The following OR2A5 variants were observed in gnomAD, a reference collection of about 807,000 sequenced individuals.
The protein encoded by OR2A5 is olfactory receptor family 2 subfamily A member 5.
OR2A5 carries 2 observed loss-of-function variants against 1.9 expected under a neutral mutation model. The ratio of observed to expected loss-of-function variants is 1.04; its 90% CI spans 0.43 to 3.28. The LOEUF is 3.28. OR2A5 is among the 30% of genes most tolerant of loss of function. The pLI is 0.08. For missense variants in OR2A5, 391 were observed against 375.9 expected (o/e 1.04, Z -0.33); for synonymous variants, 160 against 154.5 (o/e 1.04, Z -0.26).
At position 144,051,217 on chromosome 7, in the gene OR2A5, G is replaced by T. The variant is rs1254007558; in HGVS notation, c.816G>T (p.Lys272Asn). ...CCCGCCACCCTGAGGAGCAGCAGAAGGTCCTTTCCCTGTTTTACAGCCTTT... is the reference window on the plus strand; with the variant it reads ...CCCGCCACCCTGAGGAGCAGCAGAATGTCCTTTCCCTGTTTTACAGCCTTT... ...PKSRHPEEQQ[K>N]VLSLFYSLFN... is the part of the protein sequence containing the mutation. The change falls in exon 2 of 2, where the codon AAG (lysine) becomes AAT (asparagine). Residue 272 changes from lysine to asparagine, a missense_variant. Lys to Asn is a moderately conservative substitution (Grantham distance 94). Transcript: ENST00000641693. 1.2e-6 allele frequency: 2 copies of T among 1,614,060 alleles called. No individual in the cohort carries two copies. Among genetic ancestry groups the T allele is most frequent in the Non-Finnish European group, 1.7e-6 (2 of 1,180,032 alleles).
In OR2A5 at chr7:144,053,738, A is replaced by G. The variant is rs1167107881; in HGVS notation, c.*2401A>G. 3 of 152,238 alleles carry G rather than the reference A, an allele frequency of 2.0e-5. No homozygotes were observed. Among genetic ancestry groups the G allele is most frequent in the Admixed American group, 1.3e-4 (2 of 15,276 alleles). The allele number at this position is 152,238 out of a possible 1,614,324, so 9.4% of individuals were successfully genotyped here. ...GAGTCTGGAACAAAACGGAGTTTAC[A>G]GTATTATAGCCAAAGTCTTAACACC... is the stretch of plus-strand genomic sequence containing the variant. On this transcript the variant is annotated 3_prime_UTR_variant, in exon 2 of 2. Coordinates refer to ENST00000641693, the MANE Select transcript of OR2A5 (RefSeq NM_012365.2).
chr7:144,052,983 C>T lies in OR2A5; in HGVS notation c.*1646C>T, dbSNP rs1448618306. ...GTATACTTCATGTTCTGCTTAAAACCTTTAAAAGAAAAGGGAAAGAGGAAA... is the reference window on the plus strand; with the variant it reads ...GTATACTTCATGTTCTGCTTAAAACTTTTAAAAGAAAAGGGAAAGAGGAAA... On this transcript the variant is annotated 3_prime_UTR_variant, in exon 2 of 2. Transcript: ENST00000641693. 1 of 151,974 alleles carries T rather than the reference C, an allele frequency of 6.6e-6. No homozygotes were observed. The highest frequency in any genetic ancestry group is 1.5e-5 in the Non-Finnish European group (1 of 68,006). 9.4% of individuals were successfully genotyped at this position (151,974 alleles called of 1,614,324 possible).
rs146905074 is a variant in OR2A5, at chr7:144,058,398, G to A, written c.*7061G>A. On this transcript the variant is annotated 3_prime_UTR_variant, in exon 2 of 2. Coordinates refer to ENST00000641693, the MANE Select transcript of OR2A5 (RefSeq NM_012365.2). ...TACTTTCATTTATTGATGGACACATGTTGTATTAGTCTGTTCTCATGCTGC... is the reference window on the plus strand; with the variant it reads ...TACTTTCATTTATTGATGGACACATATTGTATTAGTCTGTTCTCATGCTGC... The A allele has an allele frequency of 1.3e-5, 2 of 152,164 alleles. No individual in the cohort carries two copies. Among genetic ancestry groups the A allele is most frequent in the East Asian group, 3.9e-4 (2 of 5,182 alleles). 9.4% of individuals were successfully genotyped at this position (152,164 alleles called of 1,614,324 possible).
chr7:144,050,503 C>A lies in OR2A5; in HGVS notation c.102C>A (p.Tyr34Ter). Residue 34 changes from tyrosine (Y) to a stop codon, truncating the protein, a stop_gained, in exon 2 of 2, where the codon TAC (tyrosine) becomes TAA (stop). Transcript: ENST00000641693. LOFTEE classifies it low-confidence loss of function (END_TRUNC). ...TCTCTGGGCTTTTCTCCCTGTTATA[C>A]GTCTTCACCCTGCTGGGAAATGGGG... ...MLLSGLFSLL[Y>*]VFTLLGNGAI... The A allele has an allele frequency of 6.2e-7, 1 of 1,604,536 alleles. No individual in the cohort carries two copies. The highest frequency in any genetic ancestry group is 8.5e-7 in the Non-Finnish European group (1 of 1,175,228).
rs905453185 is a variant in OR2A5, at chr7:144,052,817, T to C, written c.*1480T>C. On this transcript the variant is annotated 3_prime_UTR_variant, in exon 2 of 2. Coordinates refer to ENST00000641693, the MANE Select transcript of OR2A5 (RefSeq NM_012365.2). ...GCAATTTGAATTTAAAAAAAAATAC[T>C]GGATCTAAATTTAACTATCAACCAC... The C allele has an allele frequency of 4.6e-5, 7 of 152,198 alleles. No individual in the cohort carries two copies. Among genetic ancestry groups the C allele is most frequent in the African/African-American group, 1.7e-4 (7 of 41,448 alleles). The allele number at this position is 152,198 out of a possible 1,614,324, so 9.4% of individuals were successfully genotyped here.
chr7:144,052,734 G>A lies in OR2A5; in HGVS notation c.*1397G>A. 1 of 151,856 alleles carries A rather than the reference G, an allele frequency of 6.6e-6. No individual in the cohort carries two copies. The highest frequency in any genetic ancestry group is 1.9e-4 in the East Asian group (1 of 5,160). 9.4% of individuals were successfully genotyped at this position (151,856 alleles called of 1,614,324 possible). ...CTTTGTTTTCATATCTCCATACTGTGAGGACATTTTTTGGCCTGCAGAAAT... is the reference window on the plus strand; with the variant it reads ...CTTTGTTTTCATATCTCCATACTGTAAGGACATTTTTTGGCCTGCAGAAAT... On this transcript the variant is annotated 3_prime_UTR_variant, in exon 2 of 2. Coordinates refer to ENST00000641693, the MANE Select transcript of OR2A5 (RefSeq NM_012365.2).
rs980585298 is a variant in OR2A5, at chr7:144,049,144, G to C, written c.-52+11G>C. Reference sequence around the variant, plus strand: ...AGGCCTGATACCACAGTGAGTAAAGGGTCTTTTGCAAAGTCTGGTAGTTTA... The same window carrying C: ...AGGCCTGATACCACAGTGAGTAAAGCGTCTTTTGCAAAGTCTGGTAGTTTA... On this transcript the variant is annotated intron_variant, in intron 1 of 1. Transcript: ENST00000641693. 2.6e-5 allele frequency: 4 copies of C among 152,190 alleles called. No individual in the cohort carries two copies. Among genetic ancestry groups the C allele is most frequent in the African/African-American group, 9.7e-5 (4 of 41,434 alleles). The allele number at this position is 152,190 out of a possible 1,614,324, so 9.4% of individuals were successfully genotyped here.
rs2050959377 is a variant in OR2A5 at position 144,058,627 on chromosome 7, A to T, written c.*7290A>T. 1 of 152,302 alleles carries T rather than the reference A, an allele frequency of 6.6e-6. No homozygotes were observed. The highest frequency in any genetic ancestry group is 2.4e-5 in the African/African-American group (1 of 41,438). 9.4% of individuals were successfully genotyped at this position (152,302 alleles called of 1,614,324 possible). On this transcript the variant is annotated 3_prime_UTR_variant, in exon 2 of 2. Coordinates refer to ENST00000641693, the MANE Select transcript of OR2A5 (RefSeq NM_012365.2). ...TAAAAAACCATCAGATCAGCCTGGCATGGTGACTCACACCTGTAATCCCAG... is the reference window on the plus strand; with the variant it reads ...TAAAAAACCATCAGATCAGCCTGGCTTGGTGACTCACACCTGTAATCCCAG...
rs2050899801 is a variant in OR2A5 at position 144,051,010 on chromosome 7, A to G, written c.609A>G (p.Ser203=). The change falls in exon 2 of 2, where the codon TCA becomes TCG. Residue 203 remains serine, a synonymous_variant. Coordinates refer to ENST00000641693, the MANE Select transcript of OR2A5 (RefSeq NM_012365.2). ...WLNQVVIFAA[S]VFILVGPLCL... is the part of the protein sequence containing the mutation. ...ACCAGGTGGTCATCTTTGCTGCTTCAGTGTTCATCCTGGTGGGGCCGCTCT... is the reference window on the plus strand; with the variant it reads ...ACCAGGTGGTCATCTTTGCTGCTTCGGTGTTCATCCTGGTGGGGCCGCTCT... 6.2e-7 allele frequency: 1 copy of G among 1,614,102 alleles called. No homozygotes were observed. Among genetic ancestry groups the G allele is most frequent in the South Asian group, 1.1e-5 (1 of 91,076 alleles).
chr7:144,053,718 T>C lies in OR2A5; in HGVS notation c.*2381T>C, dbSNP rs2050920416. The C allele has an allele frequency of 6.6e-6, 1 of 152,216 alleles. No homozygotes were observed. The highest frequency in any genetic ancestry group is 2.4e-5 in the African/African-American group (1 of 41,458). 9.4% of individuals were successfully genotyped at this position (152,216 alleles called of 1,614,324 possible). A position where few individuals can be genotyped will look rare whatever the true frequency, so the allele number is the denominator to read the frequency against. ...AACATCCACATGATGGGGCAGAGTC[T>C]GGAACAAAACGGAGTTTACAGTATT... On this transcript the variant is annotated 3_prime_UTR_variant, in exon 2 of 2. Transcript: ENST00000641693.
rs200668050 is a variant in OR2A5 at position 144,050,823 on chromosome 7, G to C, written c.422G>C (p.Cys141Ser). 3.7e-6 allele frequency: 6 copies of C among 1,614,088 alleles called. No individual in the cohort carries two copies. The highest frequency in any genetic ancestry group is 4.2e-6 in the Non-Finnish European group (5 of 1,180,050). ...TCTGTCATCATGAGATGGGGAGTGT[G>C]CACAGTCCTGGCTGTCACTTCTTGG... ...QYSVIMRWGVCTVLAVTSWAC... is the reference protein window; with the variant it reads ...QYSVIMRWGVSTVLAVTSWAC... The change falls in exon 2 of 2, where the codon TGC becomes TCC. Residue 141 changes from cysteine (C) to serine (S), a missense_variant. Coordinates refer to ENST00000641693, the MANE Select transcript of OR2A5 (RefSeq NM_012365.2).
At position 144,053,409 on chromosome 7, in the gene OR2A5, A is replaced by C. The variant is rs975763522; in HGVS notation, c.*2072A>C. 1 of 152,114 alleles carries C rather than the reference A, an allele frequency of 6.6e-6. No homozygotes were observed. Among genetic ancestry groups the C allele is most frequent in the Non-Finnish European group, 1.5e-5 (1 of 68,028 alleles). 9.4% of individuals were successfully genotyped at this position (152,114 alleles called of 1,614,324 possible). ...TAATCAGTTTTTAAAGGTCTGGGGG[A>C]AAGTGAAAGAAACAATTGCATTGTT... is the stretch of plus-strand genomic sequence containing the variant. On this transcript the variant is annotated 3_prime_UTR_variant, in exon 2 of 2. Transcript: ENST00000641693.
chr7:144,052,679 TC>T lies in OR2A5; in HGVS notation c.*1343del, dbSNP rs1310026740. ...TGACTATTCTGCTCATCCATTCATC[TC>T]GGTTAAACATTCTGCCTCTGGTGAT... On this transcript the variant is annotated 3_prime_UTR_variant, in exon 2 of 2. Coordinates refer to ENST00000641693, the MANE Select transcript of OR2A5 (RefSeq NM_012365.2). 1 of 152,160 alleles carries T rather than the reference TC, an allele frequency of 6.6e-6. No homozygotes were observed. Among genetic ancestry groups the T allele is most frequent in the Non-Finnish European group, 1.5e-5 (1 of 68,038 alleles). The allele number at this position is 152,160 out of a possible 1,614,324, so 9.4% of individuals were successfully genotyped here.
rs1388076144 is a variant in OR2A5 at position 144,053,076 on chromosome 7, G to C, written c.*1739G>C. The stretch of plus-strand genomic sequence containing the variant: ...TTGGATTCAGAATTTTTTTACCTAG[G>C]GTACAGTGGAAAAATCAGGGGGTAT... On this transcript the variant is annotated 3_prime_UTR_variant, in exon 2 of 2. Coordinates refer to ENST00000641693, the MANE Select transcript of OR2A5 (RefSeq NM_012365.2). The C allele has an allele frequency of 6.6e-6, 1 of 151,866 alleles. No homozygotes were observed. The highest frequency in any genetic ancestry group is 6.6e-5 in the Admixed American group (1 of 15,256). The allele number at this position is 151,866 out of a possible 1,614,324, so 9.4% of individuals were successfully genotyped here.
chr7:144,053,915 T>A lies in OR2A5; in HGVS notation c.*2578T>A. 1 of 152,236 alleles carries A rather than the reference T, an allele frequency of 6.6e-6. No individual in the cohort carries two copies. Among genetic ancestry groups the A allele is most frequent in the Admixed American group, 6.5e-5 (1 of 15,280 alleles). The allele number at this position is 152,236 out of a possible 1,614,324, so 9.4% of individuals were successfully genotyped here. A position where few individuals can be genotyped will look rare whatever the true frequency, so the allele number is the denominator to read the frequency against. On this transcript the variant is annotated 3_prime_UTR_variant, in exon 2 of 2. Transcript: ENST00000641693. ...CAAAATCACATGGCCTCATAAGGCA[T>A]TGCCCCAAAGGGACAATCTGAACGA...
Position 144,051,103 on chromosome 7 carries a change from C to T in OR2A5, c.702C>T (p.Arg234=). The T allele has an allele frequency of 6.2e-7, 1 of 1,614,170 alleles. No individual in the cohort carries two copies. The highest frequency in any genetic ancestry group is 8.5e-7 in the Non-Finnish European group (1 of 1,180,044). Residue 234 remains arginine (R), a synonymous_variant, in exon 2 of 2, where the codon CGC becomes CGT. Coordinates refer to ENST00000641693, the MANE Select transcript of OR2A5 (RefSeq NM_012365.2). ...TGAGGATCCAGTCTGGGGAGGGCCGCAGAAAGGCCTTCTCCACCTGCTCCT... is the reference window on the plus strand; with the variant it reads ...TGAGGATCCAGTCTGGGGAGGGCCGTAGAAAGGCCTTCTCCACCTGCTCCT... ...AILRIQSGEG[R]RKAFSTCSSH...
At position 144,053,698 on chromosome 7, in the gene OR2A5, C is replaced by T. The variant is rs1026178514; in HGVS notation, c.*2361C>T. ...GCTCAACAGGGGTTAGACTCAACAT[C>T]CACATGATGGGGCAGAGTCTGGAAC... On this transcript the variant is annotated 3_prime_UTR_variant, in exon 2 of 2. Transcript: ENST00000641693. 2 of 152,208 alleles carry T rather than the reference C, an allele frequency of 1.3e-5. No individual in the cohort carries two copies. Among genetic ancestry groups the T allele is most frequent in the Non-Finnish European group, 2.9e-5 (2 of 68,034 alleles). The allele number at this position is 152,208 out of a possible 1,614,324, so 9.4% of individuals were successfully genotyped here. A position where few individuals can be genotyped will look rare whatever the true frequency, so the allele number is the denominator to read the frequency against.
chr7:144,050,568 C>T lies in OR2A5; in HGVS notation c.167C>T (p.Thr56Ile). The change falls in exon 2 of 2, where the codon ACC becomes ATC. Residue 56 changes from threonine (T) to isoleucine (I), a missense_variant. Thr to Ile is a moderately conservative substitution (Grantham distance 89). Coordinates refer to ENST00000641693, the MANE Select transcript of OR2A5 (RefSeq NM_012365.2). The part of the protein sequence containing the change: ...GLIWLDSRLH[T>I]PMYFFLSHLA... ...ATCTGGCTGGACTCCAGACTGCACA[C>T]CCCCATGTACTTCTTTCTCTCACAC... The T allele has an allele frequency of 6.2e-7, 1 of 1,609,822 alleles. No individual in the cohort carries two copies. The highest frequency in any genetic ancestry group is 8.5e-7 in the Non-Finnish European group (1 of 1,177,724).
rs1424987298 is a variant in OR2A5 at position 144,057,771 on chromosome 7, A to G, written c.*6434A>G. The G allele has an allele frequency of 6.6e-6, 1 of 152,238 alleles. No homozygotes were observed. Among genetic ancestry groups the G allele is most frequent in the Non-Finnish European group, 1.5e-5 (1 of 68,040 alleles). 9.4% of individuals were successfully genotyped at this position (152,238 alleles called of 1,614,324 possible). A position where few individuals can be genotyped will look rare whatever the true frequency, so the allele number is the denominator to read the frequency against. ...AAAACAGAATAAAAGTATATAGGGT[A>G]CATGCGAAGCATACGAGTTGATAAA... On this transcript the variant is annotated 3_prime_UTR_variant, in exon 2 of 2. Coordinates refer to ENST00000641693, the MANE Select transcript of OR2A5 (RefSeq NM_012365.2).
Sources: gnomAD v4.1 joint callset for allele counts on GRCh38, gnomAD v4.1.1 for gene constraint, MANE v1.5 for transcripts, NCBI Gene and HGNC (gene_info 2026-07-23, HGNC 2026-07-21) for gene names.